Variants in IPO7 observed in about 807,000 individuals in gnomAD.
IPO7 encodes the protein importin-7.
A neutral mutation model predicts 136.4 loss-of-function variants in IPO7; 13 were observed. That is an observed-to-expected ratio of 0.10 (90% CI 0.06 to 0.15). The LOEUF is 0.15. IPO7 is among the 10% of genes least tolerant of loss of function. The probability of loss-of-function intolerance (pLI) is 1.00; values close to 1 mark genes in which losing one functional copy is unlikely to be tolerated. For missense variants in IPO7, 857 were observed against 1,240.6 expected (o/e 0.69, Z 4.65); for synonymous variants, 403 against 404.4 (o/e 1.00, Z 0.04).
At chr11:9,403,476 C>G in intron 2 of IPO7, 105 bp downstream of exon 2, 1 of 793,396 alleles carries the variant, frequency 1.3e-6, no homozygotes, top group Admixed American at 2.7e-5. Flanking sequence ...TTTTTTCCCC[C>G]CAGGTAATTT....
intron 6 of IPO7, among the ~76,000 whole-genome samples, chr11:9,417,667 C>G (rs567135854): frequency 3.6e-4 from 54 of 150,748 alleles, no homozygotes; most frequent in African/African-American, 1.2e-3. Flanking sequence ...TATAATCAAA[C>G]TTTTTAAAAT....
At chr11:9,422,464 T>G (rs559442953) in intron 8 of IPO7, among the ~76,000 whole-genome samples, 3 of 152,196 alleles carry the variant, frequency 2.0e-5, no homozygotes, top group Admixed American at 2.0e-4. Flanking sequence ...AACTAGTAGA[T>G]CCTCTGAAAT....
intron 2 of IPO7, 40 bp from the exon 3 acceptor site, chr11:9,408,446 C>T (rs530053916): frequency 7.5e-7 from 1 of 1,335,468 alleles, no homozygotes; most frequent in East Asian, 2.7e-5. Flanking sequence ...ACAGTACTTT[C>T]ACAGTAAACA....
chr11:9,440,579 T>C lies in IPO7; in HGVS notation c.2820T>C (p.Thr940=), dbSNP rs1855448583. The change falls in exon 23 of 25, where the codon ACT becomes ACC. Residue 940 remains threonine (T), a synonymous_variant. Coordinates refer to ENST00000379719, the MANE Select transcript of IPO7 (RefSeq NM_006391.3). ...EDWEEDDAEE[T]ALEGYSTIID... ...GGGAAGAAGATGATGCTGAAGAGACTGCTCTGGAAGGCTATTCCACAATCA... is the reference window on the plus strand; with the variant it reads ...GGGAAGAAGATGATGCTGAAGAGACCGCTCTGGAAGGCTATTCCACAATCA... The C allele has an allele frequency of 6.2e-7, 1 of 1,613,816 alleles. No homozygotes were observed. The highest frequency in any genetic ancestry group is 1.7e-5 in the Admixed American group (1 of 60,006).
chr11:9,402,110 C>T (rs1854804988), intron 1 of IPO7, among the ~76,000 whole-genome samples: 1 of 152,156 alleles, frequency 6.6e-6, no homozygotes, highest in East Asian at 1.9e-4. Flanking sequence ...GTTAAGAATG[C>T]TAGTTGGAGG....
At position 9,414,429 on chromosome 11, in the gene IPO7, G is replaced by T; in HGVS notation, c.636+18G>T. On this transcript the variant is annotated intron_variant, in intron 5 of 24. Coordinates refer to ENST00000379719, the MANE Select transcript of IPO7 (RefSeq NM_006391.3). ...TTGTTCAGGTAATATCTGTGAAGCA[G>T]TTTTTATGCATAAAAAGTTAGTCTG... 1 of 1,514,044 alleles carries T rather than the reference G, an allele frequency of 6.6e-7. No individual in the cohort carries two copies. Among genetic ancestry groups the T allele is most frequent in the Non-Finnish European group, 8.9e-7 (1 of 1,119,234 alleles). 93.8% of individuals were successfully genotyped at this position (1,514,044 alleles called of 1,614,324 possible). A position where few individuals can be genotyped will look rare whatever the true frequency, so the allele number is the denominator to read the frequency against.
At chr11:9,417,544 A>AT (rs1040209109) in intron 6 of IPO7, among the ~76,000 whole-genome samples, 1 of 151,950 alleles carries the variant, frequency 6.6e-6, no homozygotes, top group African/African-American at 2.4e-5. Flanking sequence ...TAGTTATGTT[A>AT]TTTTTTCTTA....
intron 8 of IPO7, 39 bp from the exon 9 acceptor site, chr11:9,422,967 A>T: frequency 7.3e-7 from 1 of 1,378,638 alleles, no homozygotes; most frequent in East Asian, 2.3e-5. Context: ...TGAAATTTCT[A>T]TTTGAACATT....
At chr11:9,392,369 G>T (rs1043759969) in intron 1 of IPO7, 70 of 254,548 alleles carry the variant, frequency 2.7e-4, no homozygotes, top group African/African-American at 1.6e-3. Flanking sequence ...TAGAGACGGG[G>T]TTTCTCCATG....
chr11:9,413,005 G>A (rs966446114), intron 4 of IPO7, among the ~76,000 whole-genome samples: 3 of 149,304 alleles, frequency 2.0e-5, no homozygotes, highest in African/African-American at 4.9e-5. Context: ...TCAGCCTCCC[G>A]AGTAGCTGGG....
chr11:9,385,609 C>T (rs1854541791), intron 1 of IPO7, among the ~76,000 whole-genome samples: 1 of 152,124 alleles, frequency 6.6e-6, no homozygotes, highest in Non-Finnish European at 1.5e-5. Flanking sequence ...TGAGTTTTTC[C>T]CATTCATAAA....
chr11:9,436,042 C>T (rs1855363987), intron 19 of IPO7, among the ~76,000 whole-genome samples: 1 of 152,110 alleles, frequency 6.6e-6, no homozygotes, highest in African/African-American at 2.4e-5. Context: ...GACCAAGATG[C>T]CAGAGGGCTA....
chr11:9,435,027 A>T lies in IPO7; in HGVS notation c.2168A>T (p.Lys723Ile). 1 of 1,577,726 alleles carries T rather than the reference A, an allele frequency of 6.3e-7. No homozygotes were observed. The highest frequency in any genetic ancestry group is 8.7e-7 in the Non-Finnish European group (1 of 1,148,352). Reference protein sequence around the residue: ...KYLEMIYSMCKKVLTGVAGED... With the variant: ...KYLEMIYSMCIKVLTGVAGED... The stretch of plus-strand genomic sequence containing the variant: ...CTTGAAATGATATACAGTATGTGCA[A>T]AAAGGTAGGTCATTTTTATATATCA... Residue 723 changes from lysine to isoleucine, a missense_variant, in exon 19 of 25, where the codon AAA becomes ATA. Physicochemically the swap from Lys to Ile is moderately radical, Grantham distance 102. This residue lies in a region of IPO7 where 190 missense variants were observed against 249.0 expected (regional missense o/e 0.76). Coordinates refer to ENST00000379719, the MANE Select transcript of IPO7 (RefSeq NM_006391.3).
Position 9,429,178 on chromosome 11 carries a change from A to G in IPO7, c.1573A>G (p.Ile525Val), listed in dbSNP as rs143999427. The change falls in exon 14 of 25, where the codon ATC becomes GTC. Residue 525 changes from isoleucine (I) to valine (V), a missense_variant. Physicochemically the swap from Ile to Val is conservative, Grantham distance 29 (BLOSUM62 3). Transcript: ENST00000379719. ...AGCTGCCATTGCCCTTCAAGTATTG[A>G]TCAGCAATCAAGAAAAAGGTAAAGG... ...VEAAIALQVL[I>V]SNQEKAKEYI... 1 of 1,611,870 alleles carries G rather than the reference A, an allele frequency of 6.2e-7. No homozygotes were observed. Among genetic ancestry groups the G allele is most frequent in the African/African-American group, 1.3e-5 (1 of 74,848 alleles).
chr11:9,423,730 A>T, intron 9 of IPO7, 47 bp from the exon 10 acceptor site: 1 of 1,262,840 alleles, frequency 7.9e-7, no homozygotes, highest in South Asian at 1.3e-5. Context: ...TTGAAGGTTT[A>T]AATTTGAAAA....
chr11:9,411,159 CCTGTCCCAT>C (rs911461434), intron 4 of IPO7, among the ~76,000 whole-genome samples: 1 of 152,132 alleles, frequency 6.6e-6, no homozygotes, highest in African/African-American at 2.4e-5. Context: ...TCAAGGCCCT[CCTGTCCCAT>C]AATCTTAGCA....
chr11:9,420,898 C>G (rs1855117509), intron 8 of IPO7, among the ~76,000 whole-genome samples, 200 bp downstream of exon 8: 1 of 151,948 alleles, frequency 6.6e-6, no homozygotes, highest in Non-Finnish European at 1.5e-5. Context: ...TGAGTTATAC[C>G]TAGTAATATT....
At chr11:9,421,135 A>G (rs529820239) in intron 8 of IPO7, among the ~76,000 whole-genome samples, 31 of 151,604 alleles carry the variant, frequency 2.0e-4, no homozygotes, top group Non-Finnish European at 3.2e-4. Context: ...CTAATTTTGA[A>G]TTTTTAGTAG....
At chr11:9,444,956 T>TA in intron 24 of IPO7, 141 bp from the exon 25 acceptor site, 1 of 630,218 alleles carries the variant, frequency 1.6e-6, no homozygotes, top group Non-Finnish European at 2.9e-6. Context: ...CCCTTGCCCT[T>TA]ATACATTGGA....
Sources: gnomAD v4.1 joint callset for allele counts (sites outside exome capture counted in the v4.1 genomes callset) on GRCh38, gnomAD v4.1.1 for gene constraint, gnomAD v4.1.1 regional missense constraint, MANE v1.5 for transcripts, NCBI Gene and HGNC (gene_info 2026-07-23, HGNC 2026-07-21) for gene names.